INPP4B: variants seen among roughly 807,000 people sequenced by gnomAD.
INPP4B encodes the protein inositol polyphosphate-4-phosphatase type II B.
INPP4B carries 55 observed loss-of-function variants against 122.5 expected under a neutral mutation model. That is an observed-to-expected ratio of 0.45 (90% CI 0.36 to 0.56). INPP4B has a LOEUF of 0.56. INPP4B is among the 20% of genes least tolerant of loss of function. The probability of loss-of-function intolerance (pLI) is 0.00; values close to 1 mark genes in which losing one functional copy is unlikely to be tolerated. For missense variants in INPP4B, 1,000 were observed against 1,097.7 expected (o/e 0.91, Z 1.26); for synonymous variants, 403 against 388.7 (o/e 1.04, Z -0.43).
intron 2 of INPP4B, among the ~76,000 whole-genome samples, chr4:142,689,399 C>T (rs1311663130): frequency 6.6e-6 from 1 of 152,158 alleles, no homozygotes; most frequent in Non-Finnish European, 1.5e-5. Flanking sequence ...ACGAAGGTCT[C>T]AGCACATTGG....
At chr4:142,597,873 A>G (rs1389910567) in intron 2 of INPP4B, among the ~76,000 whole-genome samples, 2 of 152,110 alleles carry the variant, frequency 1.3e-5, no homozygotes, top group Non-Finnish European at 2.9e-5. Context: ...AACGTTCCCA[A>G]CTCCACAGAA....
chr4:142,461,863 A>G (rs1816811790), intron 3 of INPP4B, among the ~76,000 whole-genome samples: 1 of 151,998 alleles, frequency 6.6e-6, no homozygotes, highest in African/African-American at 2.4e-5. Context: ...ATTCGAAAGC[A>G]TCTATATTCA....
chr4:142,649,861 G>A (rs1752573877), intron 2 of INPP4B, among the ~76,000 whole-genome samples: 1 of 152,110 alleles, frequency 6.6e-6, no homozygotes, highest in Admixed American at 6.5e-5. Context: ...AGAAAACACA[G>A]AGAACACCAC....
intron 1 of INPP4B, among the ~76,000 whole-genome samples, chr4:142,810,262 A>G (rs1779346272): frequency 6.6e-6 from 1 of 152,070 alleles, no homozygotes; most frequent in Admixed American, 6.5e-5. Context: ...TGTAAATTTT[A>G]TGTTAGTTAT....
chr4:142,504,393 A>T (rs577984500), intron 2 of INPP4B, among the ~76,000 whole-genome samples: 26 of 152,246 alleles, frequency 1.7e-4, no homozygotes, highest in African/African-American at 6.0e-4. Context: ...ACTCTAATAC[A>T]CTTCCAGGAG....
intron 25 of INPP4B, among the ~76,000 whole-genome samples, chr4:142,033,997 C>T (rs114310325): frequency 3.3e-5 from 5 of 152,076 alleles, no homozygotes; most frequent in African/African-American, 1.2e-4. Context: ...TACTGATACT[C>T]TACTTATCAG....
chr4:142,344,393 G>A (rs1004061147), intron 7 of INPP4B, among the ~76,000 whole-genome samples: 3 of 152,014 alleles, frequency 2.0e-5, no homozygotes, highest in African/African-American at 7.2e-5. Flanking sequence ...GTACCTCAGA[G>A]ATCAGCATTA....
intron 10 of INPP4B, among the ~76,000 whole-genome samples, chr4:142,262,792 G>A (rs1033603038): frequency 6.6e-6 from 1 of 151,988 alleles, no homozygotes; most frequent in South Asian, 2.1e-4. Context: ...ATATTTGGAG[G>A]AAATAAAGGG....
chr4:142,525,932 T>C (rs1826851824), intron 2 of INPP4B, among the ~76,000 whole-genome samples: 1 of 152,026 alleles, frequency 6.6e-6, no homozygotes, highest in South Asian at 2.1e-4. Context: ...CAAAAGAAAC[T>C]ACCATCAGAG....
intron 2 of INPP4B, among the ~76,000 whole-genome samples, chr4:142,658,605 T>C (rs542496553): frequency 6.4e-4 from 98 of 152,384 alleles, no homozygotes; most frequent in African/African-American, 2.3e-3. Context: ...CTTACGGCAT[T>C]ACAGTTGTTT....
chr4:142,182,504 C>T (rs1276585420), intron 15 of INPP4B, among the ~76,000 whole-genome samples: 1 of 132,628 alleles, frequency 7.5e-6, no homozygotes, highest in Admixed American at 9.1e-5. Context: ...GCAGAGATCA[C>T]GCCGCTGCAC....
chr4:142,186,792 A>G (rs1833379648), intron 15 of INPP4B, among the ~76,000 whole-genome samples: 1 of 152,216 alleles, frequency 6.6e-6, no homozygotes, highest in Non-Finnish European at 1.5e-5. Context: ...ACTCAGGATC[A>G]TGTGAAATTG....
chr4:142,659,839 T>A (rs973561398), intron 2 of INPP4B, among the ~76,000 whole-genome samples: 9 of 152,068 alleles, frequency 5.9e-5, no homozygotes, highest in Non-Finnish European at 1.0e-4. Flanking sequence ...ATTCCACAGC[T>A]TCACCTTGCA....
chr4:142,309,365 A>G (rs749422632), intron 8 of INPP4B, among the ~76,000 whole-genome samples: 11 of 152,174 alleles, frequency 7.2e-5, no homozygotes, highest in Non-Finnish European at 1.3e-4. Flanking sequence ...AAAAGATGAA[A>G]AAAGATACAA....
rs191367250 is a variant in INPP4B at position 142,178,683 on chromosome 4, G to A, written c.1182-4874C>T. On this transcript the variant is annotated intron_variant, in intron 15 of 25. Transcript: ENST00000262992. ...AAGAAGGAAAAGACAGGGAAGGTGG[G>A]ACATGAACAGAAGGGGATTAGGATT... 2.0e-3 allele frequency among the ~76,000 whole-genome samples: 302 copies of A among 152,164 alleles called. 5 individuals are homozygous for A. The highest frequency in any genetic ancestry group is 0.018 in the Admixed American group (270 of 15,278).
chr4:142,464,633 T>G (rs1028278592), intron 2 of INPP4B, among the ~76,000 whole-genome samples: 14 of 151,504 alleles, frequency 9.2e-5, no homozygotes, highest in Non-Finnish European at 1.9e-4. Context: ...AAATGTTTCA[T>G]AGTAAGAGAA....
At chr4:142,096,481 T>C (rs1781837609) in intron 23 of INPP4B, among the ~76,000 whole-genome samples, 1 of 152,184 alleles carries the variant, frequency 6.6e-6, no homozygotes, top group African/African-American at 2.4e-5. Context: ...GTACTGCTGT[T>C]TGTATTTCAT....
At chr4:142,061,742 A>C (rs1366269508) in intron 25 of INPP4B, among the ~76,000 whole-genome samples, 1 of 151,596 alleles carries the variant, frequency 6.6e-6, no homozygotes, top group Admixed American at 6.6e-5. Flanking sequence ...TTAAGCAAAA[A>C]GCATTTAAAG....
intron 2 of INPP4B, among the ~76,000 whole-genome samples, chr4:142,684,097 A>G (rs1394986484): frequency 6.6e-6 from 1 of 152,040 alleles, no homozygotes; most frequent in African/African-American, 2.4e-5. Flanking sequence ...GGATTTGTTT[A>G]TTTGTTCATT....
Sources: allele counts gnomAD v4.1 joint callset (sites outside exome capture counted in the v4.1 genomes callset), GRCh38; gene constraint gnomAD v4.1.1; transcripts MANE v1.5; gene names NCBI Gene and HGNC (gene_info 2026-07-23, HGNC 2026-07-21).